ABCB1: variants seen among roughly 807,000 people sequenced by gnomAD.
The protein encoded by ABCB1 is ATP binding cassette subfamily B member 1.
A neutral mutation model predicts 142.0 loss-of-function variants in ABCB1; 69 were observed. That is an observed-to-expected ratio of 0.49 (90% CI 0.40 to 0.59). The LOEUF (loss-of-function observed/expected upper bound fraction) is 0.59, where lower values mean the gene tolerates loss of function less well. Ranked by LOEUF, ABCB1 falls within the 20% of genes least tolerant of loss-of-function variation. The probability of loss-of-function intolerance (pLI) is 0.00; values close to 1 mark genes in which losing one functional copy is unlikely to be tolerated. For synonymous variants in ABCB1, 532 were observed against 539.2 expected (o/e 0.99, Z 0.18); for missense variants, 1,326 against 1,554.7 (o/e 0.85, Z 2.47).
At chr7:87,589,283 T>C (rs2129947032) in intron 3 of ABCB1, among the ~76,000 whole-genome samples, 1 of 152,246 alleles carries the variant, frequency 6.6e-6, no homozygotes, top group Non-Finnish European at 1.5e-5. Flanking sequence ...ATAGCTGTTA[T>C]GAGGGTAAAA....
At chr7:87,605,383 C>A (rs1027996971), upstream of ABCB1, among the ~76,000 whole-genome samples, 1 of 152,200 alleles carries the variant, frequency 6.6e-6, no homozygotes, top group Non-Finnish European at 1.5e-5. Flanking sequence ...ATCCACCCAC[C>A]TCAGCCTCCC....
intron 1 of ABCB1, among the ~76,000 whole-genome samples, chr7:87,631,976 AATG>A (rs1186722985): frequency 2.0e-5 from 3 of 152,176 alleles, no homozygotes; most frequent in African/African-American, 4.8e-5. Flanking sequence ...GCAGGGTAAT[AATG>A]ATAAGATAAA....
intron 1 of ABCB1, chr7:87,659,254 CT>C: frequency 2.4e-6 from 1 of 410,538 alleles, no homozygotes; most frequent in South Asian, 1.8e-5. Context: ...TTCCATTTTA[CT>C]TTTAGTTTTC....
intron 9 of ABCB1, among the ~76,000 whole-genome samples, chr7:87,552,488 G>T (rs983876081): frequency 6.6e-6 from 1 of 151,958 alleles, no homozygotes; most frequent in African/African-American, 2.4e-5. Flanking sequence ...GAATCAAGTT[G>T]GTCCGATATC....
chr7:87,630,877 A>C (rs889309931), intron 1 of ABCB1, among the ~76,000 whole-genome samples: 1 of 152,132 alleles, frequency 6.6e-6, no homozygotes, highest in Non-Finnish European at 1.5e-5. Context: ...TTTGTATTTC[A>C]ACCTTATTTA....
chr7:87,556,913 G>C (rs1172766033), intron 8 of ABCB1, among the ~76,000 whole-genome samples: 20 of 151,066 alleles, frequency 1.3e-4, no homozygotes, highest in Non-Finnish European at 8.8e-5. Flanking sequence ...GCCTTATGAC[G>C]TTTCCTAGAA....
intron 1 of ABCB1, among the ~76,000 whole-genome samples, chr7:87,641,302 T>C (rs1822428884): frequency 1.3e-5 from 2 of 152,202 alleles, no homozygotes; most frequent in Admixed American, 1.3e-4. Context: ...CTAGTACCCA[T>C]GGCCAATAGT....
rs1922240 is a variant in ABCB1 at position 87,554,038 on chromosome 7, T to C, written c.828-106A>G. Reference sequence around the variant, plus strand: ...GATGTGTTCAGTCCTGTGATATACATGCATTTTGTCCTGCTGCTCATACAT... The same window carrying C: ...GATGTGTTCAGTCCTGTGATATACACGCATTTTGTCCTGCTGCTCATACAT... On this transcript the variant is annotated intron_variant, in intron 8 of 27. Coordinates refer to ENST00000622132, the MANE Select transcript of ABCB1 (RefSeq NM_001348946.2). The C allele has an allele frequency of 0.31, 314,881 of 1,031,042 alleles. 50,201 individuals carry two copies. The highest frequency in any genetic ancestry group is 0.35 in the Admixed American group (18,478 of 52,808). The allele number at this position is 1,031,042 out of a possible 1,614,324, so 63.9% of individuals were successfully genotyped here.
rs1388693658 is a variant in ABCB1, at chr7:87,636,825, T to C, written c.-330-35747A>G. ...TTGTATTAGTCTGTTCTCATGCTGC[T>C]ATGAGGACATACCTGAGACTGGGTA... On this transcript the variant is annotated intron_variant, in intron 1 of 28. Transcript: ENST00000265724. Among the ~76,000 whole-genome samples the C allele has an allele frequency of 4.6e-5, 7 of 152,194 alleles. 1 individual carries two copies.
At chr7:87,504,668 G>T (rs1463254007) in intron 27 of ABCB1, among the ~76,000 whole-genome samples, 2 of 152,102 alleles carry the variant, frequency 1.3e-5, no homozygotes, top group Non-Finnish European at 2.9e-5. Flanking sequence ...AGCTGGGCTT[G>T]GTGGTGGGTG....
At chr7:87,513,688 C>T (rs1278125725) in intron 25 of ABCB1, among the ~76,000 whole-genome samples, 2 of 152,172 alleles carry the variant, frequency 1.3e-5, no homozygotes, top group Admixed American at 6.5e-5. Context: ...CATTGAATGT[C>T]ATCCCTACTG....
chr7:87,650,957 AT>A, intron 1 of ABCB1: 1 of 1,375,978 alleles, frequency 7.3e-7, no homozygotes, highest in Non-Finnish European at 1.0e-6. Flanking sequence ...CTAATGTACT[AT>A]TTATTTTCCC....
intron 14 of ABCB1, among the ~76,000 whole-genome samples, chr7:87,548,364 G>A (rs184406355): frequency 3.3e-5 from 5 of 151,448 alleles, no homozygotes; most frequent in Admixed American, 3.3e-4. Context: ...GGGAGGGAAG[G>A]AAGGAAGGAA....
At position 87,550,504 on chromosome 7, in the gene ABCB1, A is replaced by G. The variant is rs370983217; in HGVS notation, c.1188T>C (p.Asn396=). ...DNIKGNLEFR[N]VHFSYPSRKE... is the part of the protein sequence containing the mutation. ...TTCGAGATGGGTAACTGAAGTGAACATTTCTGAATTCCAAATTTCCCTTAA... is the reference window on the plus strand; with the variant it reads ...TTCGAGATGGGTAACTGAAGTGAACGTTTCTGAATTCCAAATTTCCCTTAA... Residue 396 remains asparagine (N), a synonymous_variant, in exon 11 of 28, where the codon AAT becomes AAC. Coordinates refer to ENST00000622132, the MANE Select transcript of ABCB1 (RefSeq NM_001348946.2). The G allele has an allele frequency of 8.1e-6, 13 of 1,613,470 alleles. No individual in the cohort carries two copies. Among genetic ancestry groups the G allele is most frequent in the Non-Finnish European group, 1.1e-5 (13 of 1,180,012 alleles).
At chr7:87,504,554 A>G (rs1358073136) in intron 27 of ABCB1, 105 bp from the exon 28 acceptor site, 2 of 1,484,158 alleles carry the variant, frequency 1.3e-6, no homozygotes, top group Non-Finnish European at 9.2e-7. Context: ...CACGCCTGTA[A>G]TCCCAGCACT....
intron 1 of ABCB1, among the ~76,000 whole-genome samples, chr7:87,685,884 G>T (rs537449781): frequency 6.6e-6 from 1 of 152,054 alleles, no homozygotes; most frequent in Admixed American, 6.5e-5. Context: ...TCCCACTTTC[G>T]ATTATAATAT....
chr7:87,533,200 G>A (rs1452897016), intron 20 of ABCB1, among the ~76,000 whole-genome samples: 1 of 152,104 alleles, frequency 6.6e-6, no homozygotes, highest in East Asian at 1.9e-4. Flanking sequence ...GATGCAAGCT[G>A]GAGAACGGCT....
intron 1 of ABCB1, among the ~76,000 whole-genome samples, chr7:87,711,284 C>T (rs1218282988): frequency 6.8e-6 from 1 of 147,882 alleles, no homozygotes. Flanking sequence ...CGAGATTGAG[C>T]CATTGCACCG....
intron 1 of ABCB1, among the ~76,000 whole-genome samples, chr7:87,697,877 C>T (rs1230122674): frequency 6.6e-6 from 1 of 152,086 alleles, no homozygotes; most frequent in Non-Finnish European, 1.5e-5. Context: ...CCACCGGACT[C>T]AAAGCCCATG....
Sources: gnomAD v4.1 joint callset for allele counts (sites outside exome capture counted in the v4.1 genomes callset) on GRCh38, gnomAD v4.1.1 for gene constraint, MANE v1.5 for transcripts, NCBI Gene and HGNC (gene_info 2026-07-23, HGNC 2026-07-21) for gene names.